The following SMARCA1 variants were observed in gnomAD, a reference collection of about 807,000 sequenced individuals.
SMARCA1 encodes the protein SWI/SNF-related matrix-associated actin-dependent regulator of chromatin subfamily A member 1.
A neutral mutation model predicts 93.6 loss-of-function variants in SMARCA1; 17 were observed. That is an observed-to-expected ratio of 0.18 (90% CI 0.12 to 0.27). The LOEUF (loss-of-function observed/expected upper bound fraction) is 0.27. Among genes scored for constraint, SMARCA1 ranks in the 10% least tolerant of loss-of-function variants. The pLI is 1.00. For synonymous variants in SMARCA1, 271 were observed against 271.4 expected, an observed-to-expected ratio of 1.00 and a Z score of 0.01; for missense variants, 630 against 819.0, an observed-to-expected ratio of 0.77 and a Z score of 2.82.
intron 19 of SMARCA1, among the ~76,000 whole-genome samples, chrX:129,473,863 G>A (rs145620963): frequency 0.011 from 1,213 of 111,913 alleles, 16 homozygotes; most frequent in African/African-American, 0.038. Context: ...TATCTTTATA[G>A]GAGGAGTTCG....
chrX:129,504,543 G>C (rs1326136732), intron 9 of SMARCA1, among the ~76,000 whole-genome samples, 191 bp downstream of exon 9: 1 of 40,273 alleles, frequency 2.5e-5, no homozygotes, highest in African/African-American at 1.7e-4. Context: ...TGAGGACATA[G>C]AGGAATAAAA....
In SMARCA1 at chrX:129,488,996, T is replaced by C. The variant is rs1303741633; in HGVS notation, c.2038A>G (p.Lys680Glu). 1 of 1,181,504 alleles carries C rather than the reference T, an allele frequency of 8.5e-7. No homozygotes were observed. Among genetic ancestry groups the C allele is most frequent in the Non-Finnish European group, 1.2e-6 (1 of 868,066 alleles). Residue 680 changes from lysine to glutamate, a missense_variant, in exon 16 of 25, where the codon AAA becomes GAA. Lys to Glu is a moderately conservative substitution (Grantham distance 56). This residue lies in a region of SMARCA1 where 382 missense variants were observed against 537.9 expected (regional missense o/e 0.71). Transcript: ENST00000371121. The part of the protein sequence containing the change: ...RHGATHVFAS[K>E]ESELTDEDIT... The stretch of plus-strand genomic sequence containing the variant: ...TCTTCATCTGTCAACTCACTCTCTT[T>C]AGAAGCAAAAACATGGGTGGCTCCA...
In SMARCA1 at chrX:129,523,187, T is replaced by C. The variant is rs748904966; in HGVS notation, c.174+10A>G. 8 of 1,209,506 alleles carry C rather than the reference T, an allele frequency of 6.6e-6. No individual in the cohort carries two copies. In the South Asian group the frequency reaches 1.1e-4, roughly 16 times the overall value. ...TTTGTCCACCACACACACACCCCCT[T>C]CCTATTTACCTCCTTCTTCTTCTCG... is the stretch of plus-strand genomic sequence containing the variant. On this transcript the variant is annotated intron_variant, in intron 1 of 24. Transcript: ENST00000371121.
chrX:129,511,748 A>G lies in SMARCA1; in HGVS notation c.810+56T>C, dbSNP rs191702831. On this transcript the variant is annotated intron_variant, in intron 6 of 24. Coordinates refer to ENST00000371121, the MANE Select transcript of SMARCA1 (RefSeq NM_001282874.2). ...TTTTTAACAGCAATAATATGTAACT[A>G]AACTCCAGAAATGATATTATTCTTA... 2.6e-5 allele frequency: 25 copies of G among 962,081 alleles called. No individual in the cohort carries two copies. The African/African-American group carries it at 3.7e-4, about 14-fold the overall frequency. The allele number at this position is 962,081 out of a possible 1,213,427, so 79.3% of individuals were successfully genotyped here. A position where few individuals can be genotyped will look rare whatever the true frequency, so the allele number is the denominator to read the frequency against.
At chrX:129,480,625 C>A (rs978947999) in intron 19 of SMARCA1, 76 bp downstream of exon 19, 15 of 388,909 alleles carry the variant, frequency 3.9e-5, no homozygotes, top group Admixed American at 3.6e-4. Context: ...AAATGCAACA[C>A]CTTCTAGTCT....
At chrX:129,485,389 T>C (rs1012042651) in intron 17 of SMARCA1, among the ~76,000 whole-genome samples, 3 of 112,506 alleles carry the variant, frequency 2.7e-5, no homozygotes, top group Non-Finnish European at 5.6e-5. Flanking sequence ...CCAATGCCTA[T>C]ATAACCATTG....
At chrX:129,498,190 T>C in intron 10 of SMARCA1, 119 bp from the exon 11 acceptor site, 1 of 491,873 alleles carries the variant, frequency 2.0e-6, no homozygotes, top group Non-Finnish European at 3.6e-6. Context: ...GATTTGAGAT[T>C]AAATCTAATG....
chrX:129,505,337 CCT>C (rs1934768166), intron 8 of SMARCA1, among the ~76,000 whole-genome samples: 1 of 110,442 alleles, frequency 9.1e-6, no homozygotes. Flanking sequence ...ATGGCAAAAC[CCT>C]GTCTCTACTA....
intron 19 of SMARCA1, among the ~76,000 whole-genome samples, chrX:129,475,059 C>T (rs1933306883): frequency 9.1e-6 from 1 of 110,152 alleles, no homozygotes; most frequent in African/African-American, 3.3e-5. Context: ...TTACCCAGTC[C>T]CGGGTATGTC....
rs180846282 is a variant in SMARCA1, at chrX:129,522,077, T to A, written c.174+1120A>T. 1.5e-4 allele frequency among the ~76,000 whole-genome samples: 17 copies of A among 111,502 alleles called. No homozygotes were observed. The East Asian group carries it at 3.6e-3, about 24-fold the overall frequency. On this transcript the variant is annotated intron_variant, in intron 1 of 24. Coordinates refer to ENST00000371121, the MANE Select transcript of SMARCA1 (RefSeq NM_001282874.2). ...ATGACTACTCGTAAATAGGAAAAAA[T>A]CCACACATAAACCATTAGTTATGCA... is the stretch of plus-strand genomic sequence containing the variant.
At chrX:129,504,569 A>AAAAAAAC (rs1934724356) in intron 9 of SMARCA1, among the ~76,000 whole-genome samples, 165 bp downstream of exon 9, 1 of 98,385 alleles carries the variant, frequency 1.0e-5, no homozygotes, top group African/African-American at 4.1e-5. Context: ...AAAAAAAAAA[A>AAAAAAAC]AAAAAAAAAA....
Position 129,523,271 on chromosome X carries a change from A to G in SMARCA1, c.100T>C (p.Ser34Pro). Residue 34 changes from serine to proline, a missense_variant, in exon 1 of 25, where the codon TCT (serine) becomes CCT (proline). This residue lies in a region of SMARCA1 where 103 missense variants were observed against 82.0 expected (regional missense o/e 1.26). Transcript: ENST00000371121. ...GCGGCGGCCGCTCCCTCCTCCTGAG[A>G]GGTGGACGGCCCGGGCTGCTCGTCC... ...IEDEQPGPSTSQEEGAAAAAT... is the reference protein window; with the variant it reads ...IEDEQPGPSTPQEEGAAAAAT... 1.7e-6 allele frequency: 2 copies of G among 1,209,738 alleles called. No homozygotes were observed.
intron 21 of SMARCA1, 96 bp downstream of exon 21, chrX:129,468,677 A>C: frequency 1.7e-6 from 1 of 579,859 alleles, no homozygotes; most frequent in Non-Finnish European, 2.7e-6. Context: ...TATTCATAAA[A>C]GTTTAAAACA....
rs1934145252 is a variant in SMARCA1, at chrX:129,491,959, C to T, written c.1797G>A (p.Gln599=). 1.7e-6 allele frequency: 2 copies of T among 1,196,776 alleles called. No homozygotes were observed. Among genetic ancestry groups the T allele is most frequent in the South Asian group, 3.7e-5 (2 of 53,810 alleles). ...TACTAACCATAGCTTGTAGATCAAC[C>T]TGTGGGTTCCAGTCTGAATCATATA... is the stretch of plus-strand genomic sequence containing the variant. ...VILYDSDWNP[Q]VDLQAMDRAH... The change falls in exon 14 of 25, where the codon CAG becomes CAA. Residue 599 remains glutamine, a synonymous_variant. Transcript: ENST00000371121.
chrX:129,463,470 T>C (rs1277451759), intron 23 of SMARCA1, among the ~76,000 whole-genome samples: 1 of 112,001 alleles, frequency 8.9e-6, no homozygotes, highest in Non-Finnish European at 1.9e-5. Context: ...ATTTCAATGA[T>C]CCAAAGAACT....
intron 9 of SMARCA1, 37 bp from the exon 10 acceptor site, chrX:129,499,878 A>T: frequency 1.6e-6 from 1 of 642,517 alleles, no homozygotes. Flanking sequence ...TTTATGAAAC[A>T]TTTAATATGA....
chrX:129,491,815 C>G (rs1934140864), intron 14 of SMARCA1, 126 bp downstream of exon 14: 5 of 420,927 alleles, frequency 1.2e-5, no homozygotes, highest in African/African-American at 2.5e-5. Context: ...CCAGGATAAT[C>G]TACTGTAACT....
In SMARCA1 at chrX:129,506,122, G is replaced by T; in HGVS notation, c.1056C>A (p.Ala352=). 8.3e-7 allele frequency: 1 copy of T among 1,199,267 alleles called. No homozygotes were observed. Among genetic ancestry groups the T allele is most frequent in the African/African-American group, 1.7e-5 (1 of 57,639 alleles). Residue 352 remains alanine (A), a synonymous_variant, in exon 8 of 25, where the codon GCC becomes GCA. Coordinates refer to ENST00000371121, the MANE Select transcript of SMARCA1 (RefSeq NM_001282874.2). Reference sequence around the variant, plus strand: ...CATCAGGCAATAAAAAGTTGAGTAAGGCCCACAGTTCATGCAGGTTATTCT... The same window carrying T: ...CATCAGGCAATAAAAAGTTGAGTAATGCCCACAGTTCATGCAGGTTATTCT... ...PLQNNLHELW[A]LLNFLLPDVF...
At chrX:129,514,178 G>A (rs1312095838) in intron 5 of SMARCA1, among the ~76,000 whole-genome samples, 2 of 111,910 alleles carry the variant, frequency 1.8e-5, no homozygotes, top group Non-Finnish European at 3.8e-5. Context: ...TTAGCTGGGC[G>A]CGGTGGCGGG....
Sources: allele counts gnomAD v4.1 joint callset (sites outside exome capture counted in the v4.1 genomes callset), GRCh38; gene constraint gnomAD v4.1.1; regional missense constraint gnomAD v4.1.1; transcripts MANE v1.5; gene names NCBI Gene and HGNC (gene_info 2026-07-23, HGNC 2026-07-21).